KAZN: variants seen among roughly 807,000 people sequenced by gnomAD.
KAZN encodes kazrin, periplakin interacting protein.
A neutral mutation model predicts 87.4 loss-of-function variants in KAZN; 40 were observed. The ratio of observed to expected loss-of-function variants is 0.46; its 90% confidence interval spans 0.36 to 0.60. KAZN has a LOEUF of 0.60. KAZN is among the 20% of genes least tolerant of loss of function. KAZN has a pLI of 0.00. For synonymous variants in KAZN, 466 were observed against 458.3 expected (o/e 1.02, Z -0.22); for missense variants, 898 against 1,073.9 (o/e 0.84, Z 2.29).
At chr1:14,047,500 A>G (rs1642125091) in intron 1 of KAZN, among the ~76,000 whole-genome samples, 1 of 151,686 alleles carries the variant, frequency 6.6e-6, no homozygotes, top group African/African-American at 2.4e-5. Context: ...CAAACAAACA[A>G]CCCTTCTTCT....
In KAZN at chr1:14,184,893, G is replaced by T. The variant is rs934058978; in HGVS notation, c.249+4301G>T. Among the ~76,000 whole-genome samples the T allele has an allele frequency of 6.6e-6, 1 of 152,132 alleles. No homozygotes were observed. Among genetic ancestry groups the T allele is most frequent in the Non-Finnish European group, 1.5e-5 (1 of 68,008 alleles). ...CTATTATAGAAGTGCATTTTAATTT[G>T]ATTCTTCTGTTACTAGCACTTTCCA... On this transcript the variant is annotated intron_variant, in intron 2 of 16. Coordinates refer to the KAZN transcript ENST00000636203. This position sits in a 1 kb window ranked among gnomAD's most constrained non-coding sequence, Gnocchi z 4.2.
At chr1:15,039,882 G>A (rs1672719156) in intron 3 of KAZN, among the ~76,000 whole-genome samples, 1 of 152,176 alleles carries the variant, frequency 6.6e-6, no homozygotes, top group African/African-American at 2.4e-5. Flanking sequence ...CTACAGCTGA[G>A]CAGCAAGTGC....
intron 1 of KAZN, among the ~76,000 whole-genome samples, chr1:14,739,690 T>C (rs1457050090): frequency 6.6e-6 from 1 of 151,850 alleles, no homozygotes; most frequent in Non-Finnish European, 1.5e-5. Flanking sequence ...TGTTTGAAGT[T>C]CAAACTGGAG....
intron 13 of KAZN, among the ~76,000 whole-genome samples, chr1:15,106,245 TA>T (rs1370623130): frequency 6.6e-6 from 1 of 152,154 alleles, no homozygotes; most frequent in Non-Finnish European, 1.5e-5. Context: ...TATGCCACTG[TA>T]CTCCAGCCTG....
chr1:15,041,251 C>A (rs543049804), intron 3 of KAZN, among the ~76,000 whole-genome samples: 4 of 150,926 alleles, frequency 2.7e-5, no homozygotes, highest in Non-Finnish European at 4.4e-5. Context: ...CATGAGCCAC[C>A]GCACCCGGCT....
intron 1 of KAZN, among the ~76,000 whole-genome samples, chr1:14,956,289 A>C (rs1292948312): frequency 7.2e-6 from 1 of 139,154 alleles, no homozygotes; most frequent in Non-Finnish European, 1.5e-5. Flanking sequence ...GAAGAGACCC[A>C]GAAGTCACTG....
At chr1:14,859,815 C>T (rs1017177196) in intron 1 of KAZN, among the ~76,000 whole-genome samples, 1 of 152,166 alleles carries the variant, frequency 6.6e-6, no homozygotes. Context: ...CCCACTATTT[C>T]CCCTTAGCGC....
intron 1 of KAZN, among the ~76,000 whole-genome samples, chr1:14,737,169 C>T (rs1187876679): frequency 2.6e-5 from 4 of 152,088 alleles, no homozygotes; most frequent in Non-Finnish European, 2.9e-5. Flanking sequence ...AGGAGATCAA[C>T]GAGAGCAGTG....
chr1:13,895,022 T>C (rs1043529297), intron 1 of KAZN, among the ~76,000 whole-genome samples: 3 of 152,208 alleles, frequency 2.0e-5, no homozygotes, highest in African/African-American at 4.8e-5. Context: ...TTTCCTCTTT[T>C]GTAAAACGGT....
intron 1 of KAZN, among the ~76,000 whole-genome samples, chr1:13,996,220 C>T (rs1228426619): frequency 2.0e-5 from 3 of 152,172 alleles, no homozygotes; most frequent in African/African-American, 4.8e-5. Context: ...ATCGGAAGAT[C>T]CCACTCACAA....
intron 2 of KAZN, among the ~76,000 whole-genome samples, chr1:14,318,606 G>T (rs199945051): frequency 2.0e-5 from 3 of 152,148 alleles, no homozygotes; most frequent in East Asian, 3.9e-4. Context: ...CAAATTTGGA[G>T]AATTTTTAGC....
intron 1 of KAZN, among the ~76,000 whole-genome samples, chr1:14,076,184 G>A (rs1290336856): frequency 1.3e-5 from 2 of 152,068 alleles, no homozygotes; most frequent in Admixed American, 6.5e-5. Context: ...GGGAGGCTGA[G>A]GCAGGAGAAT....
chr1:14,367,602 C>T (rs1571413953), intron 2 of KAZN, among the ~76,000 whole-genome samples: 1 of 152,138 alleles, frequency 6.6e-6, no homozygotes, highest in Non-Finnish European at 1.5e-5. Context: ...TCACCCTTGT[C>T]GTTTCTCTGG....
chr1:14,065,252 A>T (rs1026251892), intron 1 of KAZN, among the ~76,000 whole-genome samples: 2 of 152,176 alleles, frequency 1.3e-5, no homozygotes. Flanking sequence ...ATGGACGGTG[A>T]AGGAACAGAG....
chr1:14,935,784 A>G (rs1182968135), intron 1 of KAZN, among the ~76,000 whole-genome samples: 1 of 151,986 alleles, frequency 6.6e-6, no homozygotes, highest in Non-Finnish European at 1.5e-5. Flanking sequence ...ATGTGTCACT[A>G]GATGGTCTGT....
At chr1:14,333,937 A>G (rs1657034619) in intron 2 of KAZN, among the ~76,000 whole-genome samples, 1 of 152,182 alleles carries the variant, frequency 6.6e-6, no homozygotes, top group Non-Finnish European at 1.5e-5. Context: ...GACTGAGGCC[A>G]TCACCCAGGT....
chr1:13,985,074 A>G (rs892084651), intron 1 of KAZN, among the ~76,000 whole-genome samples: 4 of 152,208 alleles, frequency 2.6e-5, no homozygotes, highest in African/African-American at 9.6e-5. Context: ...AGGATTCTCC[A>G]GAAAAACAGA....
intron 1 of KAZN, among the ~76,000 whole-genome samples, chr1:14,884,632 C>A (rs1653839738): frequency 1.3e-5 from 2 of 152,180 alleles, no homozygotes; most frequent in African/African-American, 4.8e-5. Flanking sequence ...TCTCAAACTT[C>A]ATGTGCATGG....
chr1:14,102,544 G>A (rs191830350), intron 1 of KAZN, among the ~76,000 whole-genome samples: 17 of 151,732 alleles, frequency 1.1e-4, no homozygotes, highest in Middle Eastern at 3.5e-3. Context: ...GGCTTCCTCC[G>A]TCCAATGGCC....
Sources: gnomAD v4.1 joint callset for allele counts (sites outside exome capture counted in the v4.1 genomes callset) on GRCh38, gnomAD v4.1.1 for gene constraint, Gnocchi (gnomAD v3.1) non-coding constraint, MANE v1.5 for transcripts, NCBI Gene and HGNC (gene_info 2026-07-23, HGNC 2026-07-21) for gene names.